Variants in SLF1 observed in about 807,000 individuals in gnomAD.
SLF1 encodes the protein SMC5/6 complex localization factor 1, also known as SMC5-SMC6 complex localization factor protein 1.
SLF1 carries 105 observed loss-of-function variants against 123.0 expected under a neutral mutation model. The ratio of observed to expected loss-of-function variants is 0.85; its 90% CI spans 0.73 to 1.00. The LOEUF (loss-of-function observed/expected upper bound fraction) is 1.00. Among genes scored for constraint, SLF1 ranks in the 50% least tolerant of loss-of-function variants. The pLI is 0.00. For synonymous variants in SLF1, 434 were observed against 406.6 expected, an observed-to-expected ratio of 1.07 and a Z score of -0.81; for missense variants, 1,239 against 1,223.0, an observed-to-expected ratio of 1.01 and a Z score of -0.20.
At chr5:94,663,037 TTGA>T (rs1183808760) in intron 10 of SLF1, among the ~76,000 whole-genome samples, 3 of 152,246 alleles carry the variant, frequency 2.0e-5, no homozygotes, top group African/African-American at 7.2e-5. Context: ...TTGCTTGTGC[TTGA>T]TGATATCTTA....
chr5:94,627,751 G>A (rs1744682145), intron 1 of SLF1, among the ~76,000 whole-genome samples: 1 of 151,168 alleles, frequency 6.6e-6, no homozygotes, highest in African/African-American at 2.4e-5. Context: ...TGTGTCCACA[G>A]AGACTTTAAA....
intron 18 of SLF1, among the ~76,000 whole-genome samples, chr5:94,690,981 C>G (rs779282195): frequency 2.7e-5 from 4 of 150,514 alleles, no homozygotes; most frequent in Non-Finnish European, 5.9e-5. Flanking sequence ...TCCTCCATTT[C>G]TCCCTCTCTC....
At chr5:94,669,474 T>A (rs947151373) in intron 12 of SLF1, among the ~76,000 whole-genome samples, 2 of 152,254 alleles carry the variant, frequency 1.3e-5, no homozygotes, top group Middle Eastern at 3.4e-3. Flanking sequence ...TAATCTTCTA[T>A]TCTCTTTAGA....
Position 94,688,546 on chromosome 5 carries a change from T to C in SLF1, c.2162T>C (p.Leu721Pro). 6 of 1,614,100 alleles carry C rather than the reference T, an allele frequency of 3.7e-6. No homozygotes were observed. Among genetic ancestry groups the C allele is most frequent in the Non-Finnish European group, 5.1e-6 (6 of 1,179,980 alleles). The change falls in exon 17 of 21, where the codon CTT becomes CCT. Residue 721 changes from leucine to proline, a missense_variant. Coordinates refer to ENST00000265140, the MANE Select transcript of SLF1 (RefSeq NM_032290.4). The stretch of plus-strand genomic sequence containing the variant: ...CCAGCCTTGGGGAAAACTGGTGTGC[T>C]TGGGTCTGGAAAGATTCAGGTGTCA... ...YLPALGKTGV[L>P]GSGKIQVSKK... is the part of the protein sequence containing the mutation.
chr5:94,624,895 T>C (rs1421025215), intron 1 of SLF1, among the ~76,000 whole-genome samples: 2 of 151,894 alleles, frequency 1.3e-5, no homozygotes, highest in Non-Finnish European at 2.9e-5. Flanking sequence ...TTTAAAACTC[T>C]TGTATTCCTC....
chr5:94,649,727 G>T, intron 6 of SLF1, 130 bp downstream of exon 6: 1 of 839,372 alleles, frequency 1.2e-6, no homozygotes, highest in Non-Finnish European at 1.7e-6. Flanking sequence ...TTTATAGTCT[G>T]TGACTTGAAC....
At chr5:94,650,911 A>G (rs1747639728) in intron 6 of SLF1, among the ~76,000 whole-genome samples, 1 of 152,244 alleles carries the variant, frequency 6.6e-6, no homozygotes, top group South Asian at 2.1e-4. Context: ...AAAATAATTT[A>G]GTTTTGAATA....
At position 94,630,500 on chromosome 5, in the gene SLF1, T is replaced by C. The variant is rs1402870470; in HGVS notation, c.191-3T>C. ...TGTGACTGACAGCTCATTTGCTTTCTAGGAAAGTGGATACTAACCAAGGAC... is the reference window on the plus strand; with the variant it reads ...TGTGACTGACAGCTCATTTGCTTTCCAGGAAAGTGGATACTAACCAAGGAC... On this transcript the variant is annotated splice_region_variant and splice_polypyrimidine_tract_variant and intron_variant, in intron 3 of 20. Transcript: ENST00000265140. 5 of 1,540,912 alleles carry C rather than the reference T, an allele frequency of 3.2e-6. No homozygotes were observed. The highest frequency in any genetic ancestry group is 4.9e-5 in the East Asian group (2 of 40,654).
At chr5:94,645,308 G>A (rs926631843) in intron 5 of SLF1, among the ~76,000 whole-genome samples, 1 of 152,194 alleles carries the variant, frequency 6.6e-6, no homozygotes, top group African/African-American at 2.4e-5. Context: ...GTAGTTAGCA[G>A]AGTGTAGACA....
At chr5:94,666,641 C>T (rs986932691) in intron 12 of SLF1, among the ~76,000 whole-genome samples, 1 of 151,820 alleles carries the variant, frequency 6.6e-6, no homozygotes, top group Non-Finnish European at 1.5e-5. Flanking sequence ...CTGGGAAGAT[C>T]TTTTCTTTTT....
chr5:94,627,586 A>ATATATATG lies in SLF1; in HGVS notation c.1-1218_1-1217insGTATATAT, dbSNP rs1491470911. Among the ~76,000 whole-genome samples the ATATATATG allele has an allele frequency of 8.3e-3, 234 of 28,076 alleles. 8 individuals carry two copies. The highest frequency in any genetic ancestry group is 0.016 in the South Asian group (9 of 562). 18.4% of individuals were successfully genotyped at this position (28,076 alleles called of 152,430 possible). On this transcript the variant is annotated intron_variant, in intron 1 of 20. Transcript: ENST00000265140. ...CTACCTTGTAAATGATGAAATTAAC[A>ATATATATG]TATATATATATATATATATATATAT...
chr5:94,629,232 T>C, intron 3 of SLF1, 65 bp downstream of exon 3: 1 of 1,212,194 alleles, frequency 8.2e-7, no homozygotes, highest in Non-Finnish European at 1.2e-6. Context: ...AGTATTTTAG[T>C]CTCTGGAGAG....
Position 94,695,332 on chromosome 5 carries a change from T to C in SLF1, c.*20T>C. 1 of 1,583,858 alleles carries C rather than the reference T, an allele frequency of 6.3e-7. No individual in the cohort carries two copies. Among genetic ancestry groups the C allele is most frequent in the South Asian group, 1.2e-5 (1 of 85,660 alleles). On this transcript the variant is annotated 3_prime_UTR_variant, in exon 21 of 21. Coordinates refer to ENST00000265140, the MANE Select transcript of SLF1 (RefSeq NM_032290.4). ...TCATGATGATGCTAGAAAGTATGGA[T>C]TGACTTTCTAAATCTGTTCAGTTTG...
chr5:94,676,217 A>G (rs1751041743), intron 14 of SLF1, among the ~76,000 whole-genome samples: 1 of 152,204 alleles, frequency 6.6e-6, no homozygotes, highest in Non-Finnish European at 1.5e-5. Flanking sequence ...TAGTTTAAAT[A>G]TATATTTTCA....
At chr5:94,687,718 C>CAACAACAAAG (rs1752598681) in intron 16 of SLF1, among the ~76,000 whole-genome samples, 1 of 146,146 alleles carries the variant, frequency 6.8e-6, no homozygotes, top group South Asian at 2.2e-4. Context: ...ACAACAACAA[C>CAACAACAAAG]AAAGAAAGAA....
At chr5:94,669,355 CAG>C (rs1001831957) in intron 12 of SLF1, among the ~76,000 whole-genome samples, 1 of 152,022 alleles carries the variant, frequency 6.6e-6, no homozygotes, top group Non-Finnish European at 1.5e-5. Context: ...GAAGTGGAGA[CAG>C]AGGTAGAAAG....
At chr5:94,693,852 T>C (rs1753299443) in intron 20 of SLF1, among the ~76,000 whole-genome samples, 1 of 151,798 alleles carries the variant, frequency 6.6e-6, no homozygotes, top group Admixed American at 6.6e-5. Flanking sequence ...TTATCTTCTT[T>C]CCATAAATTA....
chr5:94,662,492 T>C, intron 10 of SLF1, 141 bp downstream of exon 10: 1 of 620,802 alleles, frequency 1.6e-6, no homozygotes, highest in Non-Finnish European at 2.4e-6. Flanking sequence ...AAATATAGCT[T>C]CTCTAATCAG....
chr5:94,627,821 C>T (rs948669411), intron 1 of SLF1, among the ~76,000 whole-genome samples: 1 of 150,714 alleles, frequency 6.6e-6, no homozygotes, highest in African/African-American at 2.4e-5. Flanking sequence ...AAGCTCTTAG[C>T]GAACAACAGT....
Sources: allele counts gnomAD v4.1 joint callset (sites outside exome capture counted in the v4.1 genomes callset), GRCh38; gene constraint gnomAD v4.1.1; transcripts MANE v1.5; gene names NCBI Gene and HGNC (gene_info 2026-07-23, HGNC 2026-07-21).